The following CCSER1 variants were observed in gnomAD, a reference collection of about 807,000 sequenced individuals.
CCSER1 encodes the protein serine-rich coiled-coil domain-containing protein 1.
In CCSER1, 41 loss-of-function variants were observed where a neutral mutation model predicts 82.0. The observed-to-expected ratio is 0.50, with a 90% CI of 0.39 to 0.65. The LOEUF (loss-of-function observed/expected upper bound fraction) is 0.65, where lower values mean the gene tolerates loss of function less well. Ranked by LOEUF, CCSER1 falls within the 30% of genes least tolerant of loss-of-function variation. The probability of loss-of-function intolerance (pLI) is 0.00; values close to 1 mark genes in which losing one functional copy is unlikely to be tolerated. For missense variants in CCSER1, 1,119 were observed against 1,064.2 expected, an observed-to-expected ratio of 1.05 and a Z score of -0.72; for synonymous variants, 414 against 383.9, an observed-to-expected ratio of 1.08 and a Z score of -0.92.
intron 10 of CCSER1, among the ~76,000 whole-genome samples, chr4:91,222,822 C>T (rs1368903836): frequency 6.6e-6 from 1 of 152,118 alleles, no homozygotes; most frequent in Non-Finnish European, 1.5e-5. Context: ...GGGAAACTGA[C>T]TTTAAATGTT....
chr4:91,441,008 C>G (rs1042330373), intron 10 of CCSER1, among the ~76,000 whole-genome samples: 198 of 151,912 alleles, frequency 1.3e-3, no homozygotes, highest in African/African-American at 4.6e-3. Context: ...AGTCCAGGAC[C>G]AGATGGATTC....
intron 10 of CCSER1, among the ~76,000 whole-genome samples, chr4:91,219,600 GCCC>G (rs1388253306): frequency 6.6e-6 from 1 of 152,050 alleles, no homozygotes; most frequent in Admixed American, 6.6e-5. Context: ...ACCATGCCCA[GCCC>G]AGTTTGAATT....
chr4:91,449,401 C>T (rs957382968), intron 10 of CCSER1, among the ~76,000 whole-genome samples: 3 of 151,964 alleles, frequency 2.0e-5, no homozygotes, highest in African/African-American at 7.2e-5. Flanking sequence ...CCAAATGAAT[C>T]TGAATCATTT....
chr4:91,114,706 C>G (rs1292420554), intron 10 of CCSER1, among the ~76,000 whole-genome samples: 1 of 152,142 alleles, frequency 6.6e-6, no homozygotes, highest in Non-Finnish European at 1.5e-5. Context: ...AGACGGCTCC[C>G]GCTTCTCCTT....
At chr4:91,471,481 C>G (rs908300659) in intron 10 of CCSER1, among the ~76,000 whole-genome samples, 3 of 152,144 alleles carry the variant, frequency 2.0e-5, no homozygotes, top group African/African-American at 7.2e-5. Flanking sequence ...ATGTGCTACT[C>G]TCACGGTTGT....
At chr4:91,402,522 T>G (rs1397206120) in intron 10 of CCSER1, among the ~76,000 whole-genome samples, 1 of 152,146 alleles carries the variant, frequency 6.6e-6, no homozygotes, top group African/African-American at 2.4e-5. Context: ...ATTTTTATGG[T>G]TTTAGGTCTA....
chr4:90,616,449 G>A (rs1369799959), intron 5 of CCSER1, among the ~76,000 whole-genome samples: 1 of 152,002 alleles, frequency 6.6e-6, no homozygotes, highest in African/African-American at 2.4e-5. Context: ...GAAAGGCCAA[G>A]GTGGGAGGAT....
At chr4:91,369,409 A>T (rs11728349) in intron 10 of CCSER1, among the ~76,000 whole-genome samples, 1 of 152,202 alleles carries the variant, frequency 6.6e-6, no homozygotes, top group African/African-American at 2.4e-5. Flanking sequence ...GCTAAGTAAT[A>T]TAATTCTCAT....
At chr4:90,360,416 G>C (rs1745168895) in intron 3 of CCSER1, among the ~76,000 whole-genome samples, 1 of 150,480 alleles carries the variant, frequency 6.6e-6, no homozygotes, top group South Asian at 2.1e-4. Flanking sequence ...TGTAGTCCCA[G>C]CTACTCGGGA....
At chr4:91,217,987 G>A (rs1006787636) in intron 10 of CCSER1, among the ~76,000 whole-genome samples, 2 of 152,244 alleles carry the variant, frequency 1.3e-5, no homozygotes, top group African/African-American at 4.8e-5. Flanking sequence ...CAGCCCTTGG[G>A]TGGTCGATGG....
chr4:91,249,950 T>TA (rs57121000), intron 10 of CCSER1, among the ~76,000 whole-genome samples: 243 of 147,196 alleles, frequency 1.7e-3, no homozygotes, highest in East Asian at 0.015. Context: ...TCCTGAATAA[T>TA]AAAAAAAAAA....
intron 1 of CCSER1, among the ~76,000 whole-genome samples, chr4:90,255,969 G>C (rs1019814147): frequency 6.6e-6 from 1 of 152,068 alleles, no homozygotes. Flanking sequence ...TGGAACTGTG[G>C]CATTTCTAGT....
intron 4 of CCSER1, among the ~76,000 whole-genome samples, chr4:90,425,888 G>T (rs771657769): frequency 2.4e-4 from 36 of 152,000 alleles, no homozygotes; most frequent in Admixed American, 1.3e-4. Flanking sequence ...ATAAAGCTGT[G>T]CAGCATACAG....
intron 10 of CCSER1, among the ~76,000 whole-genome samples, chr4:91,121,309 T>C (rs1199465838): frequency 6.6e-6 from 1 of 151,860 alleles, no homozygotes; most frequent in Non-Finnish European, 1.5e-5. Flanking sequence ...TTGTCCCTGA[T>C]TCACAGTTTT....
At position 90,375,821 on chromosome 4, in the gene CCSER1, A is replaced by G. The variant is rs540643511; in HGVS notation, c.1510-24215A>G. On this transcript the variant is annotated intron_variant, in intron 3 of 10. Transcript: ENST00000509176. ...ATACCATTTGCTGGCTGGCATGGACATAAATGCAAGTTGGACTGATTAACC... is the reference window on the plus strand; with the variant it reads ...ATACCATTTGCTGGCTGGCATGGACGTAAATGCAAGTTGGACTGATTAACC... 2.8e-4 allele frequency among the ~76,000 whole-genome samples: 42 copies of G among 152,298 alleles called. 1 individual carries two copies. The highest frequency in any genetic ancestry group is 9.4e-4 in the African/African-American group (39 of 41,580).
chr4:90,295,761 T>A (rs1731770057), intron 1 of CCSER1, among the ~76,000 whole-genome samples: 1 of 152,066 alleles, frequency 6.6e-6, no homozygotes, highest in Admixed American at 6.6e-5. Flanking sequence ...TCCAGAGCTT[T>A]CCCATGGGAT....
intron 9 of CCSER1, among the ~76,000 whole-genome samples, chr4:91,072,703 G>A (rs1721560278): frequency 6.6e-6 from 1 of 152,000 alleles, no homozygotes; most frequent in Non-Finnish European, 1.5e-5. Context: ...ATTCAACTCT[G>A]CTTTCTTTGA....
chr4:91,013,779 AT>A (rs10712693), intron 9 of CCSER1, among the ~76,000 whole-genome samples: 92,690 of 104,584 alleles, frequency 0.89, 42,389 homozygotes, highest in African/African-American at 0.9. Context: ...TTGTTTTTGT[AT>A]TTTTTTTTTT....
At chr4:90,544,518 T>C (rs979663660) in intron 5 of CCSER1, among the ~76,000 whole-genome samples, 2 of 152,214 alleles carry the variant, frequency 1.3e-5, no homozygotes, top group East Asian at 1.9e-4. Flanking sequence ...ATAATATGGA[T>C]GGAGTATTGA....
Sources: gnomAD v4.1 joint callset for allele counts (sites outside exome capture counted in the v4.1 genomes callset) on GRCh38, gnomAD v4.1.1 for gene constraint, MANE v1.5 for transcripts, NCBI Gene and HGNC (gene_info 2026-07-23, HGNC 2026-07-21) for gene names.